The following CDC42SE2 variants were observed in gnomAD, a reference collection of about 807,000 sequenced individuals.
CDC42SE2 encodes the protein CDC42 small effector 2.
CDC42SE2 carries 3 observed loss-of-function variants against 11.5 expected under a neutral mutation model. The observed-to-expected ratio is 0.26, with a 90% CI of 0.12 to 0.67. The LOEUF (loss-of-function observed/expected upper bound fraction) is 0.67. Ranked by LOEUF, CDC42SE2 falls within the 30% of genes least tolerant of loss-of-function variation. The pLI, the probability that CDC42SE2 is intolerant of heterozygous loss-of-function variation, is 0.80. For missense variants in CDC42SE2, 82 were observed against 106.8 expected, an observed-to-expected ratio of 0.77 and a Z score of 1.02; for synonymous variants, 33 against 34.8, an observed-to-expected ratio of 0.95 and a Z score of 0.18.
At chr5:131,308,940 C>G (rs1757837280) in intron 1 of CDC42SE2, among the ~76,000 whole-genome samples, 1 of 150,686 alleles carries the variant, frequency 6.6e-6, no homozygotes, top group Non-Finnish European at 1.5e-5. Context: ...CCTTTATTTC[C>G]TTCTCCTGCC....
chr5:131,264,663 C>G (rs1240496208), intron 1 of CDC42SE2, among the ~76,000 whole-genome samples: 1 of 152,168 alleles, frequency 6.6e-6, no homozygotes, highest in Non-Finnish European at 1.5e-5. Flanking sequence ...CGGGTCCTGC[C>G]GCGGTTCGCC....
chr5:131,256,426 T>C (rs1756680523), intron 2 of CDC42SE2, among the ~76,000 whole-genome samples: 1 of 152,234 alleles, frequency 6.6e-6, no homozygotes, highest in African/African-American at 2.4e-5. Context: ...GTGTTTTCTA[T>C]TGCTGTGTGA....
chr5:131,384,937 TAAG>T (rs1338296459), intron 3 of CDC42SE2, among the ~76,000 whole-genome samples: 2 of 139,350 alleles, frequency 1.4e-5, no homozygotes, highest in Non-Finnish European at 3.1e-5. Context: ...AAAAAAAAAT[TAAG>T]AAGAGTGAGT....
intron 2 of CDC42SE2, among the ~76,000 whole-genome samples, chr5:131,323,469 T>C (rs1294345150): frequency 6.6e-6 from 1 of 151,710 alleles, no homozygotes; most frequent in African/African-American, 2.4e-5. Context: ...GAATTGTATC[T>C]GAATGTGCTT....
intron 1 of CDC42SE2, among the ~76,000 whole-genome samples, chr5:131,265,432 A>C (rs1460790003): frequency 6.6e-6 from 1 of 152,136 alleles, no homozygotes; most frequent in African/African-American, 2.4e-5. Context: ...TTTTTGAGCA[A>C]GGGAGAACTC....
intron 3 of CDC42SE2, among the ~76,000 whole-genome samples, chr5:131,382,425 C>T (rs1246762487): frequency 6.6e-6 from 1 of 152,196 alleles, no homozygotes; most frequent in Non-Finnish European, 1.5e-5. Context: ...GAATAAATCA[C>T]TTAATATGGA....
At chr5:131,366,207 C>T (rs2149776046) in intron 3 of CDC42SE2, among the ~76,000 whole-genome samples, 1 of 152,226 alleles carries the variant, frequency 6.6e-6, no homozygotes, top group Non-Finnish European at 1.5e-5. Context: ...GTATATTGTA[C>T]CTCTTCAGCT....
intron 1 of CDC42SE2, among the ~76,000 whole-genome samples, chr5:131,246,886 G>A (rs988228817): frequency 5.3e-5 from 8 of 151,038 alleles, no homozygotes; most frequent in Admixed American, 3.3e-4. Flanking sequence ...TGGGACTACA[G>A]GCATGTGCCA....
At chr5:131,279,856 T>C (rs958606609) in intron 1 of CDC42SE2, among the ~76,000 whole-genome samples, 6 of 152,162 alleles carry the variant, frequency 3.9e-5, no homozygotes, top group Non-Finnish European at 8.8e-5. Context: ...GGCGATTGCT[T>C]GAGTACAGGA....
At chr5:131,280,937 T>A (rs2149701803) in intron 1 of CDC42SE2, among the ~76,000 whole-genome samples, 1 of 152,312 alleles carries the variant, frequency 6.6e-6, no homozygotes, top group South Asian at 2.1e-4. Flanking sequence ...TATGTTAATG[T>A]TTCCTTTGAT....
chr5:131,249,313 C>T (rs745340520), intron 1 of CDC42SE2, among the ~76,000 whole-genome samples: 52 of 151,626 alleles, frequency 3.4e-4, no homozygotes, highest in African/African-American at 5.3e-4. Context: ...CCACCACGAC[C>T]GGCCAGGTTA....
chr5:131,250,411 T>A (rs1756630554), intron 1 of CDC42SE2, among the ~76,000 whole-genome samples: 1 of 152,202 alleles, frequency 6.6e-6, no homozygotes, highest in African/African-American at 2.4e-5. Context: ...CAGAATGAGC[T>A]ATCAAGCCAC....
At chr5:131,302,434 C>G (rs999588497) in intron 1 of CDC42SE2, among the ~76,000 whole-genome samples, 1 of 152,178 alleles carries the variant, frequency 6.6e-6, no homozygotes, top group African/African-American at 2.4e-5. Context: ...CTGCCTCGGC[C>G]TCCCAAAGTG....
the CDC42SE2 span, among the ~76,000 whole-genome samples, chr5:131,228,724 C>A: frequency 6.6e-6 from 1 of 152,046 alleles, no homozygotes; most frequent in South Asian, 2.1e-4. Context: ...TGGTAAGGGG[C>A]CGCTGAGGAA....
chr5:131,344,040 G>C (rs954050572), intron 2 of CDC42SE2, among the ~76,000 whole-genome samples: 2 of 152,126 alleles, frequency 1.3e-5, no homozygotes, highest in African/African-American at 4.8e-5. Flanking sequence ...AAAAGCCTGA[G>C]TAGGTTGATG....
intron 3 of CDC42SE2, among the ~76,000 whole-genome samples, chr5:131,365,451 C>T (rs2149775369): frequency 6.6e-6 from 1 of 152,252 alleles, no homozygotes; most frequent in South Asian, 2.1e-4. Context: ...GATGGATCTC[C>T]ATAGCTACTA....
chr5:131,216,501 C>CAAAAAAAAAAAAAAA, the CDC42SE2 span, among the ~76,000 whole-genome samples: 110 of 42,138 alleles, frequency 2.6e-3, 4 homozygotes, highest in African/African-American at 1.0e-2. Flanking sequence ...GAACCTGTCT[C>CAAAAAAAAAAAAAAA]AAAAAAAAAA....
intron 2 of CDC42SE2, among the ~76,000 whole-genome samples, chr5:131,325,663 A>C (rs565496163): frequency 9.3e-4 from 141 of 152,212 alleles, no homozygotes; most frequent in African/African-American, 3.3e-3. Context: ...CTTAAATATC[A>C]TGTTCATTTT....
chr5:131,337,703 C>T (rs949132426), intron 2 of CDC42SE2, among the ~76,000 whole-genome samples: 5 of 152,212 alleles, frequency 3.3e-5, no homozygotes, highest in Non-Finnish European at 7.3e-5. Context: ...TGCTACTTTG[C>T]AGTTTGATCT....
Sources: allele counts gnomAD v4.1 joint callset (sites outside exome capture counted in the v4.1 genomes callset), GRCh38; gene constraint gnomAD v4.1.1; transcripts MANE v1.5; gene names NCBI Gene and HGNC (gene_info 2026-07-23, HGNC 2026-07-21).